Variants in UBP1 observed in about 807,000 individuals in gnomAD.
UBP1 encodes upstream-binding protein 1.
UBP1 carries 22 observed loss-of-function variants against 76.1 expected under a neutral mutation model. That is an observed-to-expected ratio of 0.29 (90% confidence interval 0.21 to 0.41). The LOEUF is 0.41. Ranked by LOEUF, UBP1 falls within the 10% of genes least tolerant of loss-of-function variation. The pLI is 1.00. For synonymous variants in UBP1, 224 were observed against 237.1 expected, an observed-to-expected ratio of 0.94 and a Z score of 0.51; for missense variants, 436 against 668.1, an observed-to-expected ratio of 0.65 and a Z score of 3.83.
At chr3:33,425,773 T>A (rs370484939) in intron 1 of UBP1, 32 bp from the exon 2 acceptor site, 54 of 1,551,908 alleles carry the variant, frequency 3.5e-5, no homozygotes, top group Non-Finnish European at 4.3e-5. Flanking sequence ...CTGACCTTAC[T>A]TTGGGTTTGA....
chr3:33,395,553 G>A (rs909343626), intron 13 of UBP1, among the ~76,000 whole-genome samples: 2 of 151,846 alleles, frequency 1.3e-5, no homozygotes, highest in Admixed American at 1.3e-4. Flanking sequence ...AGGATGAGAA[G>A]CCCTCCCAAG....
At position 33,397,139 on chromosome 3, in the gene UBP1, G is replaced by C; in HGVS notation, c.1181-4C>G. 3 of 1,572,868 alleles carry C rather than the reference G, an allele frequency of 1.9e-6. No homozygotes were observed. The highest frequency in any genetic ancestry group is 2.6e-6 in the Non-Finnish European group (3 of 1,165,414). ...GTCAGTTTTAATAAGTCGGCACCTA[G>C]AGAAGAGCAAAAATATTTTTCTCAA... On this transcript the variant is annotated splice_polypyrimidine_tract_variant and splice_region_variant and intron_variant, in intron 11 of 15. Coordinates refer to ENST00000283629, the MANE Select transcript of UBP1 (RefSeq NM_014517.5).
chr3:33,393,467 A>C lies in UBP1; in HGVS notation c.1391-13T>G. 3 of 1,593,234 alleles carry C rather than the reference A, an allele frequency of 1.9e-6. No homozygotes were observed. ...ATTGCATGATAAACTGAAATTAAAA[A>C]AAAAAAAAGAAAAGCATTTTAACAG... On this transcript the variant is annotated splice_polypyrimidine_tract_variant and intron_variant, in intron 13 of 15. Coordinates refer to ENST00000283629, the MANE Select transcript of UBP1 (RefSeq NM_014517.5).
rs112244619 is a variant in UBP1 at position 33,389,525 on chromosome 3, T to C, written c.*806A>G. ...AGATGGAGGGAGAGAGGGAAGAAAATGAGAGAAAAACCACGAGTTTAAAAG... is the reference window on the plus strand; with the variant it reads ...AGATGGAGGGAGAGAGGGAAGAAAACGAGAGAAAAACCACGAGTTTAAAAG... On this transcript the variant is annotated 3_prime_UTR_variant, in exon 16 of 16. Transcript: ENST00000283629. 2,124 of 150,954 alleles carry C rather than the reference T, an allele frequency of 0.014. 20 individuals carry two copies. Among genetic ancestry groups the C allele is most frequent in the South Asian group, 0.027 (127 of 4,770 alleles). 9.4% of individuals were successfully genotyped at this position (150,954 alleles called of 1,614,324 possible). A position where few individuals can be genotyped will look rare whatever the true frequency, so the allele number is the denominator to read the frequency against.
At chr3:33,415,672 G>C (rs1489039768) in intron 3 of UBP1, among the ~76,000 whole-genome samples, 2 of 151,794 alleles carry the variant, frequency 1.3e-5, no homozygotes, top group Non-Finnish European at 2.9e-5. Context: ...CCTCAGTATA[G>C]GGCCCATCAA....
intron 11 of UBP1, chr3:33,397,640 A>G (rs1414860337): frequency 6.6e-6 from 1 of 152,256 alleles, no homozygotes; most frequent in Non-Finnish European, 1.5e-5. Flanking sequence ...GTGCAATGTA[A>G]AGTCAAACAT....
chr3:33,390,114 C>A lies in UBP1; in HGVS notation c.*217G>T. 1 of 534,896 alleles carries A rather than the reference C, an allele frequency of 1.9e-6. No individual in the cohort carries two copies. The highest frequency in any genetic ancestry group is 3.3e-5 in the South Asian group (1 of 30,502). 33.1% of individuals were successfully genotyped at this position (534,896 alleles called of 1,614,324 possible). A position where few individuals can be genotyped will look rare whatever the true frequency, so the allele number is the denominator to read the frequency against. The stretch of plus-strand genomic sequence containing the variant: ...CGTGGCCTCCAGAGCTGGATGCATG[C>A]TGTGCCGATGTGCTCACTCTCATGA... On this transcript the variant is annotated 3_prime_UTR_variant, in exon 16 of 16. Transcript: ENST00000283629.
Position 33,412,839 on chromosome 3 carries a change from G to A in UBP1, c.343-12C>T. ...ACCCTTATGATGCTCTGTGGAATAAGTGCGGAAAATGAGTACTTTTAAACT... is the reference window on the plus strand; with the variant it reads ...ACCCTTATGATGCTCTGTGGAATAAATGCGGAAAATGAGTACTTTTAAACT... On this transcript the variant is annotated splice_polypyrimidine_tract_variant and intron_variant, in intron 3 of 15. Coordinates refer to ENST00000283629, the MANE Select transcript of UBP1 (RefSeq NM_014517.5). 6.3e-7 allele frequency: 1 copy of A among 1,592,424 alleles called. No individual in the cohort carries two copies. Among genetic ancestry groups the A allele is most frequent in the Non-Finnish European group, 8.6e-7 (1 of 1,160,298 alleles).
chr3:33,412,516 G>C (rs562135073), intron 4 of UBP1, among the ~76,000 whole-genome samples: 12 of 151,200 alleles, frequency 7.9e-5, no homozygotes, highest in Non-Finnish European at 1.3e-4. Context: ...ACGGGAGGTA[G>C]AGGTTGCAGT....
chr3:33,437,071 CT>C (rs796097982), intron 1 of UBP1, among the ~76,000 whole-genome samples: 21 of 152,188 alleles, frequency 1.4e-4, no homozygotes, highest in African/African-American at 5.1e-4. Flanking sequence ...CCAAAAAAGA[CT>C]AAACAAAAAC....
At chr3:33,408,894 G>C (rs2044499622) in intron 7 of UBP1, 97 bp from the exon 8 acceptor site, 1 of 1,111,544 alleles carries the variant, frequency 9.0e-7, no homozygotes, top group Middle Eastern at 2.0e-4. Flanking sequence ...TTAAACAAAT[G>C]CATGACTAAC....
chr3:33,430,600 T>C (rs1322823030), intron 1 of UBP1, among the ~76,000 whole-genome samples: 1 of 152,226 alleles, frequency 6.6e-6, no homozygotes, highest in Non-Finnish European at 1.5e-5. Context: ...CTTTTCTGCC[T>C]CTACTGCAGA....
At chr3:33,391,479 A>C (rs1291134483) in intron 15 of UBP1, 2 of 152,194 alleles carry the variant, frequency 1.3e-5, no homozygotes, top group Non-Finnish European at 2.9e-5. Context: ...GAAGGTTTCC[A>C]AATTTACATC....
Position 33,440,175 on chromosome 3 carries a change from C to A in UBP1, c.-327G>T. 1 of 157,876 alleles carries A rather than the reference C, an allele frequency of 6.3e-6. No individual in the cohort carries two copies. The highest frequency in any genetic ancestry group is 1.8e-4 in the South Asian group (1 of 5,712). The allele number at this position is 157,876 out of a possible 1,614,324, so 9.8% of individuals were successfully genotyped here. On this transcript the variant is annotated 5_prime_UTR_variant, in exon 1 of 16. Coordinates refer to ENST00000283629, the MANE Select transcript of UBP1 (RefSeq NM_014517.5). ...CGCCGACCGCCCCGCCCGGGGCCCC[C>A]CGGTCGCATCCTCCTCCGGGACCGC...
At chr3:33,410,095 AT>A (rs766316124) in intron 5 of UBP1, among the ~76,000 whole-genome samples, 4 of 152,072 alleles carry the variant, frequency 2.6e-5, no homozygotes, top group Admixed American at 1.3e-4. Context: ...GCCTGGGGAA[AT>A]TTTACAGTCC....
intron 1 of UBP1, among the ~76,000 whole-genome samples, chr3:33,438,886 C>A (rs1281187841): frequency 6.6e-6 from 1 of 152,208 alleles, no homozygotes; most frequent in Non-Finnish European, 1.5e-5. Flanking sequence ...GAAAGCTACA[C>A]TTAATTCACA....
chr3:33,408,623 G>C (rs1320574907), intron 8 of UBP1, 67 bp downstream of exon 8: 1 of 1,317,380 alleles, frequency 7.6e-7, no homozygotes. Context: ...TGCGGTGGAA[G>C]TTGGTCCTAT....
rs1350277994 is a variant in UBP1 at position 33,388,902 on chromosome 3, T to A, written c.*1429A>T. On this transcript the variant is annotated 3_prime_UTR_variant, in exon 16 of 16. Transcript: ENST00000283629. ...AGATTTCAAACTCAAAATTACTCAT[T>A]TCCTATTTTTTGCCTGAACACAATG... 6.6e-6 allele frequency: 1 copy of A among 152,194 alleles called. No individual in the cohort carries two copies. The highest frequency in any genetic ancestry group is 6.5e-5 in the Admixed American group (1 of 15,286). 9.4% of individuals were successfully genotyped at this position (152,194 alleles called of 1,614,324 possible). A position where few individuals can be genotyped will look rare whatever the true frequency, so the allele number is the denominator to read the frequency against.
Position 33,430,689 on chromosome 3 carries a change from C to T in UBP1, c.114-4948G>A, listed in dbSNP as rs113647442. 6.9e-4 allele frequency among the ~76,000 whole-genome samples: 105 copies of T among 152,138 alleles called. 1 individual carries two copies. Among genetic ancestry groups the T allele is most frequent in the African/African-American group, 2.4e-3 (99 of 41,530 alleles). On this transcript the variant is annotated intron_variant, in intron 1 of 15. Coordinates refer to ENST00000283629, the MANE Select transcript of UBP1 (RefSeq NM_014517.5). ...CAGGCTCTCCAAAGGCAAACACTGG[C>T]GGAAAATTGAAAGAGCGGGAAAGGG...
Sources: gnomAD v4.1 joint callset for allele counts (sites outside exome capture counted in the v4.1 genomes callset) on GRCh38, gnomAD v4.1.1 for gene constraint, MANE v1.5 for transcripts, NCBI Gene and HGNC (gene_info 2026-07-23, HGNC 2026-07-21) for gene names.